Variants in NPAS3 observed in about 807,000 individuals in gnomAD.
NPAS3 encodes neuronal PAS domain-containing protein 3.
In NPAS3, 14 loss-of-function variants were observed where a neutral mutation model predicts 73.1. The observed-to-expected ratio is 0.19, with a 90% CI of 0.13 to 0.30. The LOEUF (loss-of-function observed/expected upper bound fraction) is 0.30. NPAS3 is among the 10% of genes least tolerant of loss of function. NPAS3 has a pLI of 1.00. For missense variants in NPAS3, 1,096 were observed against 1,250.0 expected (o/e 0.88, Z 1.86); for synonymous variants, 620 against 541.5 (o/e 1.14, Z -2.01).
At chr14:33,161,415 G>T (rs1349807380) in intron 2 of NPAS3, among the ~76,000 whole-genome samples, 1 of 152,196 alleles carries the variant, frequency 6.6e-6, no homozygotes, top group Non-Finnish European at 1.5e-5. Context: ...TATGCAGTTA[G>T]TGAAAAGAAG....
At chr14:33,727,330 A>G (rs1456951689) in intron 6 of NPAS3, among the ~76,000 whole-genome samples, 1 of 152,164 alleles carries the variant, frequency 6.6e-6, no homozygotes. Context: ...TTTTAAAAGC[A>G]TTAAAGGAGA....
intron 5 of NPAS3, among the ~76,000 whole-genome samples, chr14:33,592,877 C>T (rs1296666045): frequency 6.6e-6 from 1 of 152,156 alleles, no homozygotes; most frequent in South Asian, 2.1e-4. Flanking sequence ...CTCATTTTGT[C>T]ACTTCTCCCA....
intron 4 of NPAS3, among the ~76,000 whole-genome samples, chr14:33,442,141 G>T (rs575618305): frequency 2.0e-5 from 3 of 152,134 alleles, no homozygotes; most frequent in Admixed American, 2.0e-4. Flanking sequence ...GGTGAAGACT[G>T]GGGGGAGGAC....
intron 4 of NPAS3, among the ~76,000 whole-genome samples, chr14:33,454,549 T>C (rs2049940996): frequency 6.6e-6 from 1 of 152,218 alleles, no homozygotes; most frequent in Non-Finnish European, 1.5e-5. Flanking sequence ...GTTATTGTTG[T>C]TATTGTTGGA....
rs547655251 is a variant in NPAS3, at chr14:33,446,200, G to A, written c.468+78932G>A. Among the ~76,000 whole-genome samples, 9 of 125,660 alleles carry A rather than the reference G, an allele frequency of 7.2e-5. No homozygotes were observed. In the South Asian group the frequency reaches 1.8e-3, roughly 25 times the overall value. The allele number at this position is 125,660 out of a possible 152,430, so 82.4% of individuals were successfully genotyped here. A position where few individuals can be genotyped will look rare whatever the true frequency, so the allele number is the denominator to read the frequency against. ...TTTTTTTTTTTTGAGACGGAGTCTC[G>A]CTCTGTCGCCCAGGCCGGACTGCGG... is the stretch of plus-strand genomic sequence containing the variant. On this transcript the variant is annotated intron_variant, in intron 4 of 11. Coordinates refer to ENST00000356141, the Ensembl canonical transcript of NPAS3.
At chr14:33,326,873 G>A (rs917821240) in intron 3 of NPAS3, among the ~76,000 whole-genome samples, 6 of 152,190 alleles carry the variant, frequency 3.9e-5, no homozygotes, top group Non-Finnish European at 7.3e-5. Context: ...GGCGGTGGTG[G>A]ACATTCACTG....
chr14:33,302,923 T>A (rs1452205664), intron 3 of NPAS3, among the ~76,000 whole-genome samples: 2 of 151,860 alleles, frequency 1.3e-5, no homozygotes, highest in East Asian at 1.9e-4. Context: ...TTTTTTTTTT[T>A]AATGCCCCTA....
At chr14:33,660,130 T>G (rs2140270667) in intron 5 of NPAS3, among the ~76,000 whole-genome samples, 1 of 152,196 alleles carries the variant, frequency 6.6e-6, no homozygotes, top group Non-Finnish European at 1.5e-5. Context: ...AAGGCAGAAA[T>G]GAATACCTGG....
chr14:33,159,030 G>A (rs1229271903), intron 2 of NPAS3, among the ~76,000 whole-genome samples: 2 of 152,054 alleles, frequency 1.3e-5, no homozygotes, highest in South Asian at 2.1e-4. Context: ...GGGCATGGTG[G>A]CGCATGCCTG....
intron 2 of NPAS3, among the ~76,000 whole-genome samples, chr14:33,087,257 A>G (rs2042069994): frequency 6.8e-6 from 1 of 146,918 alleles, no homozygotes; most frequent in Non-Finnish European, 1.5e-5. Context: ...ACAATATTGT[A>G]CAATATTATT....
chr14:33,098,277 G>A (rs1361261826), intron 2 of NPAS3, among the ~76,000 whole-genome samples: 1 of 152,056 alleles, frequency 6.6e-6, no homozygotes, highest in Admixed American at 6.6e-5. Flanking sequence ...TCATATGTGT[G>A]CCTCCAATAC....
At chr14:33,572,304 A>C (rs1374088862) in intron 5 of NPAS3, among the ~76,000 whole-genome samples, 1 of 152,160 alleles carries the variant, frequency 6.6e-6, no homozygotes, top group Non-Finnish European at 1.5e-5. Context: ...TTTTTTAAAA[A>C]TTTAAAAGGC....
intron 2 of NPAS3, among the ~76,000 whole-genome samples, chr14:33,205,556 T>A (rs2046791440): frequency 6.6e-6 from 1 of 152,200 alleles, no homozygotes; most frequent in African/African-American, 2.4e-5. Context: ...AATAACAATG[T>A]GTCTTAAAAA....
upstream of NPAS3, among the ~76,000 whole-genome samples, chr14:32,936,925 T>G (rs2035713321): frequency 1.6e-5 from 2 of 128,556 alleles, no homozygotes; most frequent in South Asian, 5.0e-4. Context: ...TTCTAAAGAC[T>G]AAGGCTTTTT....
chr14:33,106,754 G>A (rs979698029), intron 2 of NPAS3, among the ~76,000 whole-genome samples: 1 of 152,090 alleles, frequency 6.6e-6, no homozygotes, highest in Non-Finnish European at 1.5e-5. Flanking sequence ...ACTGATGCAC[G>A]GGAAGTCTAA....
chr14:33,228,655 G>T (rs574322882), intron 3 of NPAS3, among the ~76,000 whole-genome samples: 1 of 152,078 alleles, frequency 6.6e-6, no homozygotes, highest in Admixed American at 6.6e-5. Flanking sequence ...TCTGTACTAG[G>T]CTCTCTGGGG....
chr14:33,503,131 A>G (rs2052598022), intron 4 of NPAS3, among the ~76,000 whole-genome samples: 1 of 152,002 alleles, frequency 6.6e-6, no homozygotes, highest in Non-Finnish European at 1.5e-5. Flanking sequence ...ACATAAAATG[A>G]TGGCAGAAAA....
At chr14:33,739,220 G>A (rs181248244) in intron 7 of NPAS3, among the ~76,000 whole-genome samples, 16 of 152,258 alleles carry the variant, frequency 1.1e-4, no homozygotes, top group South Asian at 2.1e-4. Context: ...TATGACATAC[G>A]CAAACATATT....
chr14:33,182,796 T>C (rs2045841839), intron 2 of NPAS3, among the ~76,000 whole-genome samples: 1 of 152,190 alleles, frequency 6.6e-6, no homozygotes, highest in Non-Finnish European at 1.5e-5. Context: ...TAAAACAACC[T>C]CTTTACCCTA....
Sources: allele counts gnomAD v4.1 joint callset (sites outside exome capture counted in the v4.1 genomes callset), GRCh38; gene constraint gnomAD v4.1.1; transcripts MANE v1.5; gene names NCBI Gene and HGNC (gene_info 2026-07-23, HGNC 2026-07-21).